Variants in SPIRE1 observed in about 807,000 individuals in gnomAD.
SPIRE1 encodes the protein protein spire homolog 1.
Under a neutral mutation model 94.1 loss-of-function variants are expected in SPIRE1, and 40 were observed. That is an observed-to-expected ratio of 0.43 (90% confidence interval 0.33 to 0.55). The LOEUF (loss-of-function observed/expected upper bound fraction) is 0.55, where lower values mean the gene tolerates loss of function less well. Ranked by LOEUF, SPIRE1 falls within the 20% of genes least tolerant of loss-of-function variation. SPIRE1 has a pLI of 0.06. For synonymous variants in SPIRE1, 376 were observed against 371.7 expected (o/e 1.01, Z -0.13); for missense variants, 838 against 975.2 (o/e 0.86, Z 1.87).
At chr18:12,582,932 C>T (rs975232254) in intron 2 of SPIRE1, among the ~76,000 whole-genome samples, 4 of 152,156 alleles carry the variant, frequency 2.6e-5, no homozygotes, top group African/African-American at 9.7e-5. Context: ...GTACAAAGAT[C>T]AGACATATAC....
At chr18:12,606,444 A>C (rs1402135886) in intron 2 of SPIRE1, among the ~76,000 whole-genome samples, 1 of 152,212 alleles carries the variant, frequency 6.6e-6, no homozygotes, top group African/African-American at 2.4e-5. Context: ...CTGATAACTT[A>C]ACTCAGGGCT....
intron 2 of SPIRE1, among the ~76,000 whole-genome samples, chr18:12,625,042 T>C (rs542306644): frequency 1.0e-5 from 1 of 97,326 alleles, no homozygotes; most frequent in Non-Finnish European, 2.1e-5. Context: ...ATTTTAGTAA[T>C]AAATGCCAAC....
At position 12,485,948 on chromosome 18, in the gene SPIRE1, GT is replaced by G. The variant is rs760928298; in HGVS notation, c.1231+10del. On this transcript the variant is annotated intron_variant, in intron 9 of 16. Coordinates refer to ENST00000409402, the MANE Select transcript of SPIRE1 (RefSeq NM_001128626.2). ...CCACGTCAGGTGTAAAAGTGTTTTT[GT>G]TTTTTTTACCTGACAAGTCAAAACT... 9.2e-6 allele frequency: 14 copies of G among 1,526,588 alleles called. No individual in the cohort carries two copies. Among genetic ancestry groups the G allele is most frequent in the Admixed American group, 8.7e-5 (4 of 46,112 alleles). 94.6% of individuals were successfully genotyped at this position (1,526,588 alleles called of 1,614,324 possible). A position where few individuals can be genotyped will look rare whatever the true frequency, so the allele number is the denominator to read the frequency against.
upstream of SPIRE1, among the ~76,000 whole-genome samples, chr18:12,659,203 G>A (rs1414268746): frequency 6.6e-6 from 1 of 152,104 alleles, no homozygotes; most frequent in East Asian, 1.9e-4. Context: ...AACCTTTTAC[G>A]GCAGTTTTAT....
chr18:12,453,227 T>C (rs947141384), intron 13 of SPIRE1, 89 bp from the exon 14 acceptor site: 27 of 807,026 alleles, frequency 3.3e-5, no homozygotes, highest in Non-Finnish European at 4.8e-5. Context: ...CATCTATATA[T>C]AGGGGAAGCT....
At chr18:12,603,595 G>A (rs946665490) in intron 2 of SPIRE1, among the ~76,000 whole-genome samples, 1 of 143,694 alleles carries the variant, frequency 7.0e-6, no homozygotes, top group African/African-American at 2.6e-5. Flanking sequence ...TTTTTTTTGA[G>A]ATGGAGTCTC....
At chr18:12,592,348 C>T (rs1020426383) in intron 2 of SPIRE1, among the ~76,000 whole-genome samples, 17 of 152,298 alleles carry the variant, frequency 1.1e-4, no homozygotes, top group African/African-American at 3.8e-4. Context: ...TGTAATATCA[C>T]ATTTTAGACA....
At chr18:12,593,581 T>A (rs1307580741) in intron 2 of SPIRE1, among the ~76,000 whole-genome samples, 3 of 152,228 alleles carry the variant, frequency 2.0e-5, no homozygotes, top group African/African-American at 7.2e-5. Context: ...TACACAGGGC[T>A]GGGAAATACA....
chr18:12,525,383 T>C (rs1029365858), intron 4 of SPIRE1, among the ~76,000 whole-genome samples: 2 of 150,368 alleles, frequency 1.3e-5, no homozygotes, highest in Non-Finnish European at 3.0e-5. Context: ...GCTAGTTAGG[T>C]AGAAATGGGA....
At chr18:12,626,282 G>C (rs1314213922) in intron 2 of SPIRE1, among the ~76,000 whole-genome samples, 1 of 152,104 alleles carries the variant, frequency 6.6e-6, no homozygotes, top group Non-Finnish European at 1.5e-5. Context: ...TAACCAGATC[G>C]AGGTCCAAGA....
chr18:12,602,330 C>G (rs985688180), intron 2 of SPIRE1, among the ~76,000 whole-genome samples: 1 of 152,114 alleles, frequency 6.6e-6, no homozygotes, highest in Admixed American at 6.5e-5. Flanking sequence ...TTCACTTGAG[C>G]CTTTTGGCAC....
chr18:12,527,672 T>C (rs1598437944), intron 4 of SPIRE1, among the ~76,000 whole-genome samples: 1 of 152,172 alleles, frequency 6.6e-6, no homozygotes. Flanking sequence ...GAGCCCCAGG[T>C]GTGCATTAGC....
chr18:12,486,397 T>C (rs1356348259), intron 8 of SPIRE1, among the ~76,000 whole-genome samples: 1 of 152,238 alleles, frequency 6.6e-6, no homozygotes, highest in Non-Finnish European at 1.5e-5. Flanking sequence ...AGTAAATTTA[T>C]CCTTCAATAA....
At chr18:12,655,261 A>G (rs1183595953) in intron 1 of SPIRE1, among the ~76,000 whole-genome samples, 1 of 151,706 alleles carries the variant, frequency 6.6e-6, no homozygotes, top group Admixed American at 6.6e-5. Flanking sequence ...AGAGAGAGAG[A>G]GAGAGAAAGA....
Position 12,454,423 on chromosome 18 carries a change from G to A in SPIRE1, c.1699C>T (p.Arg567Cys), listed in dbSNP as rs765173503. Residue 567 changes from arginine to cysteine, a missense_variant, in exon 13 of 17, where the codon CGC becomes TGC. Transcript: ENST00000409402. Reference protein sequence around the residue: ...ALTVEEVMHIRQVLVKAELEK... With the variant: ...ALTVEEVMHICQVLVKAELEK... ...AGCTCTGCCTTCACCAGGACCTGGC[G>A]AATATGCATCACTTCTTCCACAGTA... 5.0e-6 allele frequency: 8 copies of A among 1,613,970 alleles called. No individual in the cohort carries two copies. Among genetic ancestry groups the A allele is most frequent in the East Asian group, 4.5e-5 (2 of 44,878 alleles).
At chr18:12,482,269 A>G (rs1232791588) in intron 9 of SPIRE1, among the ~76,000 whole-genome samples, 1 of 152,254 alleles carries the variant, frequency 6.6e-6, no homozygotes, top group East Asian at 1.9e-4. Context: ...CAGCCTCCAG[A>G]GTAGCCGGGA....
chr18:12,608,157 C>CAAAAAAA (rs11390238), intron 2 of SPIRE1, among the ~76,000 whole-genome samples: 1 of 129,066 alleles, frequency 7.7e-6, no homozygotes, highest in Non-Finnish European at 1.6e-5. Flanking sequence ...GACTCCATCT[C>CAAAAAAA]AAAAAAAAAA....
chr18:12,556,005 G>C (rs2035493191), intron 2 of SPIRE1, among the ~76,000 whole-genome samples: 2 of 151,792 alleles, frequency 1.3e-5, no homozygotes, highest in South Asian at 4.2e-4. Context: ...ACAAAAATCA[G>C]TCACATTTCC....
At chr18:12,660,000 G>GA (rs2038662633), upstream of SPIRE1, among the ~76,000 whole-genome samples, 4 of 151,974 alleles carry the variant, frequency 2.6e-5, no homozygotes, top group South Asian at 6.2e-4. Context: ...AACAATCCAG[G>GA]AAAAAAAATG....
Sources: allele counts gnomAD v4.1 joint callset (sites outside exome capture counted in the v4.1 genomes callset), GRCh38; gene constraint gnomAD v4.1.1; transcripts MANE v1.5; gene names NCBI Gene and HGNC (gene_info 2026-07-23, HGNC 2026-07-21).